Variants in TRAF2 observed in about 807,000 individuals in gnomAD.
The protein encoded by TRAF2 is TNF receptor-associated factor 2.
In TRAF2, 6 loss-of-function variants were observed where a neutral mutation model predicts 55.6. That is an observed-to-expected ratio of 0.11 (90% confidence interval 0.06 to 0.21). TRAF2 has a LOEUF of 0.21. Among genes scored for constraint, TRAF2 ranks in the 10% least tolerant of loss-of-function variants. TRAF2 has a pLI of 1.00. For missense variants in TRAF2, 561 were observed against 684.5 expected, an observed-to-expected ratio of 0.82 and a Z score of 2.01; for synonymous variants, 329 against 276.3, an observed-to-expected ratio of 1.19 and a Z score of -1.89.
At chr9:136,882,027 A>C, upstream of TRAF2, 3 of 985,494 alleles carry the variant, frequency 3.0e-6, no homozygotes, top group Non-Finnish European at 3.6e-6. Flanking sequence ...GACTGCGGCT[A>C]TTTGAGGTGG....
At chr9:136,921,297 T>G in intron 9 of TRAF2, 82 bp downstream of exon 9, 1 of 1,557,214 alleles carries the variant, frequency 6.4e-7, no homozygotes, top group South Asian at 1.2e-5. Context: ...CCACATAGGA[T>G]GGCTCCCAAG....
intron 6 of TRAF2, among the ~76,000 whole-genome samples, chr9:136,911,011 CCCCTGCTGGTGGG>C (rs1321338339): frequency 1.3e-5 from 2 of 152,328 alleles, no homozygotes; most frequent in Admixed American, 6.5e-5. Flanking sequence ...GAGGCTGTGT[CCCCTGCTGGTGGG>C]GCCTGGAGGT....
rs773060110 is a variant in TRAF2, at chr9:136,898,934, T to TG, written c.188+10dup. Reference sequence around the variant, plus strand: ...TGCCTGGCCAGCATCCTCAGGTGCATGGGGCCTGCAGGCTGGGAGGAGGGG... The same window carrying TG: ...TGCCTGGCCAGCATCCTCAGGTGCATGGGGGCCTGCAGGCTGGGAGGAGGGG... On this transcript the variant is annotated splice_region_variant and intron_variant, in intron 2 of 10. Transcript: ENST00000247668. 1.3e-6 allele frequency: 2 copies of TG among 1,599,584 alleles called. No individual in the cohort carries two copies. Among genetic ancestry groups the TG allele is most frequent in the South Asian group, 2.2e-5 (2 of 89,462 alleles).
intron 10 of TRAF2, 112 bp from the exon 11 acceptor site, chr9:136,925,571 C>G: frequency 8.8e-7 from 1 of 1,131,898 alleles, no homozygotes; most frequent in Non-Finnish European, 1.3e-6. Flanking sequence ...AGCCTCTGGC[C>G]TGGGTCCTGG....
intron 5 of TRAF2, 53 bp downstream of exon 5, chr9:136,908,284 T>C (rs1157262727): frequency 1.3e-6 from 2 of 1,494,998 alleles, no homozygotes; most frequent in Admixed American, 4.5e-5. Flanking sequence ...GGGGCTGAGC[T>C]GGGGAGCTGC....
chr9:136,899,363 G>A (rs1335268590), intron 2 of TRAF2, among the ~76,000 whole-genome samples: 1 of 152,226 alleles, frequency 6.6e-6, no homozygotes, highest in East Asian at 1.9e-4. Context: ...TGCAGCAGAT[G>A]TCCTTGGCGG....
At chr9:136,910,818 C>T (rs1483976859) in intron 6 of TRAF2, among the ~76,000 whole-genome samples, 9 of 152,230 alleles carry the variant, frequency 5.9e-5, no homozygotes, top group East Asian at 1.9e-4. Context: ...GGCTGGGGGA[C>T]GGGACAGGGC....
intron 8 of TRAF2, 68 bp from the exon 9 acceptor site, chr9:136,920,970 G>T: frequency 6.3e-7 from 1 of 1,582,308 alleles, no homozygotes; most frequent in Non-Finnish European, 8.6e-7. Flanking sequence ...AGATCGGTGG[G>T]TGTGGGAGGC....
intron 10 of TRAF2, 35 bp from the exon 11 acceptor site, chr9:136,925,648 G>A (rs929746169): frequency 3.7e-6 from 6 of 1,606,688 alleles, no homozygotes; most frequent in Non-Finnish European, 5.1e-6. Flanking sequence ...ACGGCCCACA[G>A]ACCTGTGTCC....
At chr9:136,897,219 G>C (rs1019219533) in intron 1 of TRAF2, among the ~76,000 whole-genome samples, 1 of 152,216 alleles carries the variant, frequency 6.6e-6, no homozygotes, top group African/African-American at 2.4e-5. Flanking sequence ...GTGAGGTGCA[G>C]GTATTGGCTG....
chr9:136,911,540 C>T (rs959752173), intron 6 of TRAF2, among the ~76,000 whole-genome samples: 5 of 152,178 alleles, frequency 3.3e-5, no homozygotes, highest in Admixed American at 1.3e-4. Context: ...GCTGGGATTA[C>T]AGGCGTGAGC....
At chr9:136,911,846 C>CTCTTTTTT (rs1554781067) in intron 6 of TRAF2, among the ~76,000 whole-genome samples, 2 of 71,446 alleles carry the variant, frequency 2.8e-5, no homozygotes, top group African/African-American at 1.3e-4. Flanking sequence ...TCTCTTATCT[C>CTCTTTTTT]TTTTTTTTTT....
upstream of TRAF2, chr9:136,882,174 C>T: frequency 2.0e-6 from 1 of 497,028 alleles, no homozygotes. Flanking sequence ...AGTAAAAGGA[C>T]ATGAGGTGTG....
chr9:136,916,751 C>A, intron 7 of TRAF2, 136 bp downstream of exon 7: 1 of 833,970 alleles, frequency 1.2e-6, no homozygotes, highest in Admixed American at 1.9e-5. Context: ...CCTGCCCCGG[C>A]TGTCCGAGTG....
intron 7 of TRAF2, among the ~76,000 whole-genome samples, chr9:136,918,306 G>C (rs938003591): frequency 2.7e-4 from 39 of 146,430 alleles, no homozygotes; most frequent in African/African-American, 9.9e-4. Context: ...GTCTTGCTTT[G>C]TCGCCCAGGC....
rs780195720 is a variant in TRAF2, at chr9:136,900,465, C to T, written c.311C>T (p.Pro104Leu). ...NAARREVESL[P>L]AVCPSDGCTW... ...GCCCGCAGGGAGGTGGAGAGCCTGC[C>T]GGCCGTCTGTCCCAGTGATGGATGC... Residue 104 changes from proline to leucine, a missense_variant, in exon 4 of 11, where the codon CCG becomes CTG. By Grantham distance (98) the Pro-to-Leu change is moderately conservative. Coordinates refer to ENST00000247668, the MANE Select transcript of TRAF2 (RefSeq NM_021138.4). 45 of 1,612,148 alleles carry T rather than the reference C, an allele frequency of 2.8e-5. No individual in the cohort carries two copies. The highest frequency in any genetic ancestry group is 2.5e-5 in the Non-Finnish European group (29 of 1,178,802).
At chr9:136,908,317 C>T (rs1302273298) in intron 5 of TRAF2, 86 bp downstream of exon 5, 7 of 1,404,736 alleles carry the variant, frequency 5.0e-6, no homozygotes, top group Non-Finnish European at 6.6e-6. Flanking sequence ...GCGGCTGCGT[C>T]GGCCCCTTTG....
chr9:136,894,962 A>G (rs1004363220), intron 1 of TRAF2, among the ~76,000 whole-genome samples: 2 of 152,240 alleles, frequency 1.3e-5, no homozygotes, highest in Admixed American at 6.5e-5. Context: ...TACTCCAGCT[A>G]GGGAAACATA....
intron 6 of TRAF2, among the ~76,000 whole-genome samples, chr9:136,911,620 C>G (rs1463326282): frequency 6.6e-6 from 1 of 152,106 alleles, no homozygotes; most frequent in Non-Finnish European, 1.5e-5. Context: ...AGGGGCCTTT[C>G]AGGCTCTCTG....
Sources: allele counts gnomAD v4.1 joint callset (sites outside exome capture counted in the v4.1 genomes callset), GRCh38; gene constraint gnomAD v4.1.1; transcripts MANE v1.5; gene names NCBI Gene and HGNC (gene_info 2026-07-23, HGNC 2026-07-21).